PCDH11X: variants seen among roughly 807,000 people sequenced by gnomAD.
PCDH11X encodes protocadherin-11 X-linked.
A neutral mutation model predicts 53.3 loss-of-function variants in PCDH11X; 18 were observed. The observed-to-expected ratio is 0.34, with a 90% confidence interval of 0.23 to 0.50. PCDH11X has a LOEUF of 0.50. Ranked by LOEUF, PCDH11X falls within the 20% of genes least tolerant of loss-of-function variation. The probability of loss-of-function intolerance (pLI) is 0.98; values close to 1 mark genes in which losing one functional copy is unlikely to be tolerated. For synonymous variants in PCDH11X, 279 were observed against 393.3 expected (o/e 0.71, Z 3.44); for missense variants, 570 against 1,032.4 (o/e 0.55, Z 6.14).
Position 91,835,764 on chromosome X carries a change from C to G in PCDH11X, c.260C>G (p.Thr87Ser), listed in dbSNP as rs1937273197. ...IEEDTGEIFT[T>S]GARIDREKLC... is the part of the protein sequence containing the mutation. Reference sequence around the variant, plus strand: ...GAGGATACTGGTGAGATCTTCACTACTGGCGCTCGCATTGATCGTGAGAAA... The same window carrying G: ...GAGGATACTGGTGAGATCTTCACTAGTGGCGCTCGCATTGATCGTGAGAAA... The change falls in exon 5 of 11, where the codon ACT becomes AGT. Residue 87 changes from threonine to serine, a missense_variant. Thr to Ser is a moderately conservative substitution (Grantham distance 58, BLOSUM62 1). Transcript: ENST00000682573. The G allele has an allele frequency of 8.3e-7, 1 of 1,209,521 alleles. No homozygotes were observed. The highest frequency in any genetic ancestry group is 1.8e-5 in the African/African-American group (1 of 57,000).
intron 6 of PCDH11X, among the ~76,000 whole-genome samples, chrX:92,158,313 G>C (rs1353687591): frequency 2.7e-5 from 3 of 110,548 alleles, no homozygotes; most frequent in African/African-American, 9.9e-5. Flanking sequence ...TTATTAGATA[G>C]AGCCTGGCCA....
At chrX:91,864,111 T>G (rs1002898062) in intron 5 of PCDH11X, among the ~76,000 whole-genome samples, 7 of 111,452 alleles carry the variant, frequency 6.3e-5, no homozygotes, top group Non-Finnish European at 1.3e-4. Flanking sequence ...GGTGATTACT[T>G]ATTGCTCGTT....
chrX:92,114,425 C>T, intron 6 of PCDH11X: 1 of 898,721 alleles, frequency 1.1e-6, no homozygotes, highest in Non-Finnish European at 1.6e-6. Context: ...CCATCGGGGC[C>T]ATTGTCTCTG....
At chrX:92,250,077 G>T (rs2067428881) in intron 7 of PCDH11X, among the ~76,000 whole-genome samples, 1 of 111,578 alleles carries the variant, frequency 9.0e-6, no homozygotes, top group African/African-American at 3.3e-5. Context: ...GAAATGATGG[G>T]TAAATTCATA....
chrX:91,839,461 C>CAAAAAAAAAA (rs757627555), intron 5 of PCDH11X, among the ~76,000 whole-genome samples: 1 of 70,394 alleles, frequency 1.4e-5, no homozygotes. Flanking sequence ...TAAAAAAATA[C>CAAAAAAAAAA]AAAAAAAAAA....
intron 6 of PCDH11X, among the ~76,000 whole-genome samples, chrX:92,039,371 C>A (rs1022309660): frequency 3.6e-5 from 4 of 111,976 alleles, no homozygotes; most frequent in African/African-American, 1.3e-4. Context: ...AGTCAAATAC[C>A]TTAAAAATCT....
chrX:92,540,606 C>G (rs1264817985), intron 10 of PCDH11X, among the ~76,000 whole-genome samples: 1 of 102,755 alleles, frequency 9.7e-6, no homozygotes, highest in Non-Finnish European at 2.0e-5. Context: ...ATTTTTCCCC[C>G]TGCTTTTTTC....
chrX:92,180,875 T>G (rs993032207), intron 6 of PCDH11X, among the ~76,000 whole-genome samples: 27 of 110,281 alleles, frequency 2.4e-4, no homozygotes, highest in African/African-American at 7.9e-4. Context: ...TTTTTTTTTT[T>G]GTAAATTGCC....
chrX:92,120,186 A>G, intron 6 of PCDH11X, among the ~76,000 whole-genome samples: 1 of 81,673 alleles, frequency 1.2e-5, no homozygotes, highest in Non-Finnish European at 2.3e-5. Flanking sequence ...TTTGAGACAG[A>G]GTCTCTCTCT....
At chrX:92,219,078 ATG>A (rs2066799018) in intron 7 of PCDH11X, among the ~76,000 whole-genome samples, 2 of 111,041 alleles carry the variant, frequency 1.8e-5, no homozygotes, top group Non-Finnish European at 3.8e-5. Flanking sequence ...TGACAAACCC[ATG>A]GCCAATATCA....
chrX:92,398,686 G>A (rs1471382374), intron 9 of PCDH11X, among the ~76,000 whole-genome samples: 2 of 111,022 alleles, frequency 1.8e-5, no homozygotes, highest in Non-Finnish European at 3.8e-5. Flanking sequence ...ATGAAGAGAA[G>A]CATTCTATTG....
At chrX:92,375,678 G>T (rs970874915) in intron 8 of PCDH11X, among the ~76,000 whole-genome samples, 2 of 109,951 alleles carry the variant, frequency 1.8e-5, no homozygotes, top group Non-Finnish European at 3.8e-5. Context: ...AGGCTGGAGT[G>T]CAGTGGCTCA....
intron 6 of PCDH11X, among the ~76,000 whole-genome samples, chrX:91,963,607 C>T (rs1406487148): frequency 6.3e-5 from 7 of 111,527 alleles, no homozygotes; most frequent in Non-Finnish European, 1.1e-4. Context: ...CTTTTCCAGC[C>T]TCTGCCTGTT....
chrX:92,565,515 A>G (rs1223094851), intron 10 of PCDH11X, among the ~76,000 whole-genome samples: 1 of 89,589 alleles, frequency 1.1e-5, no homozygotes, highest in Non-Finnish European at 2.3e-5. Flanking sequence ...TCATTATGTT[A>G]AGTAAAATAA....
intron 9 of PCDH11X, among the ~76,000 whole-genome samples, chrX:92,408,784 G>A (rs1309923393): frequency 9.2e-6 from 1 of 108,912 alleles, no homozygotes; most frequent in Non-Finnish European, 1.9e-5. Flanking sequence ...GGGTTTCACC[G>A]TGTTAGCCAG....
At chrX:92,482,508 C>T (rs778803781) in intron 10 of PCDH11X, among the ~76,000 whole-genome samples, 7 of 111,514 alleles carry the variant, frequency 6.3e-5, no homozygotes, top group African/African-American at 2.0e-4. Context: ...AATTTTTTTA[C>T]GAGTTTATCA....
chrX:91,963,830 G>A (rs747092804), intron 6 of PCDH11X, among the ~76,000 whole-genome samples: 32 of 110,387 alleles, frequency 2.9e-4, no homozygotes, highest in Middle Eastern at 9.2e-3. Flanking sequence ...AAGTAGAAGC[G>A]AACATGTCCT....
intron 7 of PCDH11X, among the ~76,000 whole-genome samples, chrX:92,245,486 A>G (rs899796040): frequency 5.3e-5 from 6 of 112,810 alleles, no homozygotes; most frequent in Non-Finnish European, 7.5e-5. Context: ...CTATTTTGAC[A>G]TCACTATACT....
intron 6 of PCDH11X, among the ~76,000 whole-genome samples, chrX:91,924,042 A>T (rs1392404941): frequency 9.1e-6 from 1 of 109,614 alleles, no homozygotes; most frequent in Non-Finnish European, 1.9e-5. Context: ...ATTTGAAATT[A>T]TCAAAAAAAC....
Sources: allele counts gnomAD v4.1 joint callset (sites outside exome capture counted in the v4.1 genomes callset), GRCh38; gene constraint gnomAD v4.1.1; transcripts MANE v1.5; gene names NCBI Gene and HGNC (gene_info 2026-07-23, HGNC 2026-07-21).